Variants in RIN3 observed in about 807,000 individuals in gnomAD.
RIN3 encodes Ras and Rab interactor 3, also known as RAB5 interacting protein 3.
In RIN3, 54 loss-of-function variants were observed where a neutral mutation model predicts 76.3. That is an observed-to-expected ratio of 0.71 (90% CI 0.57 to 0.89). The LOEUF (loss-of-function observed/expected upper bound fraction) is 0.89, where lower values mean the gene tolerates loss of function less well. Ranked by LOEUF, RIN3 falls within the 40% of genes least tolerant of loss-of-function variation. RIN3 has a pLI of 0.00. For missense variants in RIN3, 1,256 were observed against 1,322.1 expected, an observed-to-expected ratio of 0.95 and a Z score of 0.78; for synonymous variants, 576 against 564.0, an observed-to-expected ratio of 1.02 and a Z score of -0.30.
In RIN3 at chr14:92,641,334, G is replaced by A. The variant is rs1887005366; in HGVS notation, c.532+5G>A. On this transcript the variant is annotated splice_donor_5th_base_variant and intron_variant, in intron 5 of 9. Transcript: ENST00000216487. ...CCATCGCCAACCTGGGTCTGGGTGA[G>A]TCTTCTCCGAGGGGTTAGGGGAGCT... The A allele has an allele frequency of 1.2e-6, 2 of 1,611,198 alleles. No homozygotes were observed. Among genetic ancestry groups the A allele is most frequent in the South Asian group, 1.1e-5 (1 of 91,004 alleles).
chr14:92,530,294 G>A lies in RIN3; in HGVS notation c.44+16318G>A, dbSNP rs556202903. On this transcript the variant is annotated intron_variant, in intron 1 of 9. Coordinates refer to ENST00000216487, the MANE Select transcript of RIN3 (RefSeq NM_024832.5). The stretch of plus-strand genomic sequence containing the variant: ...GGGCCTTGGTCCCCTCTCACCTTCA[G>A]TGACATTGAAGTGTTCGAAAGGACA... Among the ~76,000 whole-genome samples, 7 of 152,292 alleles carry A rather than the reference G, an allele frequency of 4.6e-5. No individual in the cohort carries two copies. The South Asian group carries it at 1.5e-3, about 32-fold the overall frequency.
chr14:92,626,996 G>A (rs77938884), intron 4 of RIN3, among the ~76,000 whole-genome samples: 4,034 of 152,208 alleles, frequency 0.027, 188 homozygotes, highest in African/African-American at 0.092. Flanking sequence ...GCAGGTTTGC[G>A]GATGGGTTCC....
Position 92,688,299 on chromosome 14 carries a change from C to G in RIN3, c.*47C>G. ...CTCACCCCCAGGCGCACGTCTGGCC[C>G]CGCCTCTGGCTGCGCACTCCCGACC... On this transcript the variant is annotated 3_prime_UTR_variant, in exon 10 of 10. Coordinates refer to ENST00000216487, the MANE Select transcript of RIN3 (RefSeq NM_024832.5). 1 of 1,462,734 alleles carries G rather than the reference C, an allele frequency of 6.8e-7. No homozygotes were observed. 90.6% of individuals were successfully genotyped at this position (1,462,734 alleles called of 1,614,324 possible).
intron 3 of RIN3, among the ~76,000 whole-genome samples, chr14:92,614,683 A>C (rs1595457146): frequency 6.6e-6 from 1 of 150,810 alleles, no homozygotes. Context: ...ATAAGGGGAA[A>C]CCCCTTTCGC....
At chr14:92,680,804 C>T (rs1461586034) in intron 8 of RIN3, among the ~76,000 whole-genome samples, 1 of 152,344 alleles carries the variant, frequency 6.6e-6, no homozygotes, top group Admixed American at 6.5e-5. Flanking sequence ...GCCTGTTCCA[C>T]GTGCTGCAGT....
chr14:92,598,071 A>G (rs1227424295), intron 3 of RIN3, among the ~76,000 whole-genome samples: 1 of 152,150 alleles, frequency 6.6e-6, no homozygotes, highest in African/African-American at 2.4e-5. Flanking sequence ...TGACCAATCA[A>G]TACAATAAAG....
At chr14:92,635,892 T>C (rs1010523781) in intron 4 of RIN3, among the ~76,000 whole-genome samples, 1 of 152,114 alleles carries the variant, frequency 6.6e-6, no homozygotes, top group Admixed American at 6.5e-5. Context: ...GGCAGAAAGA[T>C]GATGTGCTCA....
intron 4 of RIN3, 83 bp downstream of exon 4, chr14:92,615,562 A>G (rs1885926609): frequency 8.5e-7 from 1 of 1,180,202 alleles, no homozygotes. Context: ...GGGACTTCAC[A>G]GGGAAGCCCC....
intron 3 of RIN3, among the ~76,000 whole-genome samples, chr14:92,582,601 C>T (rs530001602): frequency 2.0e-5 from 3 of 152,166 alleles, no homozygotes; most frequent in Non-Finnish European, 2.9e-5. Flanking sequence ...TACAGGCATG[C>T]GCCATCACGT....
intron 1 of RIN3, among the ~76,000 whole-genome samples, chr14:92,552,110 G>T (rs1199606979): frequency 6.6e-6 from 1 of 152,192 alleles, no homozygotes; most frequent in African/African-American, 2.4e-5. Context: ...GCCCAGAAAG[G>T]GAATGCCTTA....
intron 2 of RIN3, among the ~76,000 whole-genome samples, chr14:92,559,422 T>C (rs1413261713): frequency 6.6e-6 from 1 of 152,110 alleles, no homozygotes; most frequent in Non-Finnish European, 1.5e-5. Context: ...CAGAAGTGAG[T>C]AGCAGGAGAG....
intron 4 of RIN3, 104 bp downstream of exon 4, chr14:92,615,583 G>C (rs1180655552): frequency 1.0e-6 from 1 of 958,806 alleles, no homozygotes; most frequent in African/African-American, 1.6e-5. Context: ...AGAGGGAGGG[G>C]TGTGGCCCAG....
At chr14:92,668,260 C>G (rs1453326488) in intron 7 of RIN3, among the ~76,000 whole-genome samples, 2 of 152,210 alleles carry the variant, frequency 1.3e-5, no homozygotes, top group African/African-American at 4.8e-5. Flanking sequence ...CCAGGGCCCT[C>G]TGGCCTCTCC....
At chr14:92,602,800 C>T (rs1347886355) in intron 3 of RIN3, among the ~76,000 whole-genome samples, 1 of 152,114 alleles carries the variant, frequency 6.6e-6, no homozygotes. Context: ...CTCTGGAAAG[C>T]ACTCGGGCTG....
chr14:92,558,782 G>C (rs1897671037), intron 2 of RIN3, among the ~76,000 whole-genome samples: 1 of 152,202 alleles, frequency 6.6e-6, no homozygotes, highest in African/African-American at 2.4e-5. Flanking sequence ...AGGGAGCTGT[G>C]TATTATTCAC....
intron 1 of RIN3, among the ~76,000 whole-genome samples, chr14:92,517,776 C>A (rs563062338): frequency 1.8e-4 from 27 of 152,312 alleles, no homozygotes; most frequent in Non-Finnish European, 3.2e-4. Flanking sequence ...TTAATGACTT[C>A]CAAACTGGAT....
chr14:92,572,296 G>C (rs1898080801), intron 2 of RIN3, among the ~76,000 whole-genome samples: 1 of 152,244 alleles, frequency 6.6e-6, no homozygotes, highest in Admixed American at 6.5e-5. Flanking sequence ...ACTCATTTGA[G>C]GCCTTCTTCC....
chr14:92,606,017 A>G (rs1235292275), intron 3 of RIN3, among the ~76,000 whole-genome samples: 1 of 152,092 alleles, frequency 6.6e-6, no homozygotes, highest in African/African-American at 2.4e-5. Flanking sequence ...AGAGGATGAA[A>G]AGACAAGGTC....
At chr14:92,566,835 C>T (rs547387584) in intron 2 of RIN3, among the ~76,000 whole-genome samples, 195 of 152,284 alleles carry the variant, frequency 1.3e-3, no homozygotes, top group African/African-American at 4.4e-3. Context: ...TCCCCTTTCC[C>T]GTCTCCTTAC....
Sources: gnomAD v4.1 joint callset for allele counts (sites outside exome capture counted in the v4.1 genomes callset) on GRCh38, gnomAD v4.1.1 for gene constraint, MANE v1.5 for transcripts, NCBI Gene and HGNC (gene_info 2026-07-23, HGNC 2026-07-21) for gene names.